Variants in HS3ST2 observed in about 807,000 individuals in gnomAD.
The protein encoded by HS3ST2 is heparan sulfate glucosamine 3-O-sulfotransferase 2.
In HS3ST2, 17 loss-of-function variants were observed where a neutral mutation model predicts 26.3. The observed-to-expected ratio is 0.65, with a 90% confidence interval of 0.44 to 0.97. The LOEUF is 0.97. Ranked by LOEUF, HS3ST2 falls within the 50% of genes least tolerant of loss-of-function variation. The pLI is 0.00. For synonymous variants in HS3ST2, 237 were observed against 219.2 expected (o/e 1.08, Z -0.72); for missense variants, 402 against 501.2 (o/e 0.80, Z 1.89).
In HS3ST2 at chr16:22,915,544, G is replaced by A; in HGVS notation, c.1086G>A (p.Gln362=). 2 of 1,613,188 alleles carry A rather than the reference G, an allele frequency of 1.2e-6. No individual in the cohort carries two copies. The highest frequency in any genetic ancestry group is 2.2e-5 in the East Asian group (1 of 44,872). ...YNIKFYETVG[Q]DFRWE The stretch of plus-strand genomic sequence containing the variant: ...TCAAATTTTATGAAACCGTTGGGCA[G>A]GACTTCAGGTGGGAATAAGCCCACG... The change falls in exon 2 of 2, where the codon CAG becomes CAA. Residue 362 remains glutamine (Q), a synonymous_variant. Transcript: ENST00000261374.
chr16:22,903,340 T>C (rs925389798), intron 1 of HS3ST2, among the ~76,000 whole-genome samples: 15 of 152,238 alleles, frequency 9.9e-5, no homozygotes, highest in African/African-American at 3.4e-4. Context: ...GAACAGCAAG[T>C]GGCCCACAGT....
chr16:22,833,834 A>C (rs959495304), intron 1 of HS3ST2, among the ~76,000 whole-genome samples: 1 of 152,206 alleles, frequency 6.6e-6, no homozygotes, highest in African/African-American at 2.4e-5. Flanking sequence ...AAGCAAACAA[A>C]AAATAAAGAG....
intron 1 of HS3ST2, among the ~76,000 whole-genome samples, chr16:22,903,826 G>A (rs1902313434): frequency 6.6e-6 from 1 of 152,154 alleles, no homozygotes; most frequent in Non-Finnish European, 1.5e-5. Context: ...CTTGCAAGCC[G>A]TGGGTCACAA....
At chr16:22,852,426 G>A (rs1901530679) in intron 1 of HS3ST2, among the ~76,000 whole-genome samples, 1 of 152,166 alleles carries the variant, frequency 6.6e-6, no homozygotes, top group African/African-American at 2.4e-5. Context: ...TCCTTCTGGT[G>A]AAACTTCGCA....
chr16:22,888,229 A>G (rs548105831), intron 1 of HS3ST2, among the ~76,000 whole-genome samples: 1 of 152,280 alleles, frequency 6.6e-6, no homozygotes, highest in East Asian at 1.9e-4. Flanking sequence ...GGACAGGAGA[A>G]CCAAATCTGA....
intron 1 of HS3ST2, among the ~76,000 whole-genome samples, chr16:22,871,826 C>T (rs1901843116): frequency 6.6e-6 from 1 of 152,172 alleles, no homozygotes; most frequent in Non-Finnish European, 1.5e-5. Context: ...GCAGTAACAC[C>T]TTTTGGGTTA....
chr16:22,834,505 T>TA (rs1211872860), intron 1 of HS3ST2, among the ~76,000 whole-genome samples: 3 of 152,118 alleles, frequency 2.0e-5, no homozygotes, highest in Non-Finnish European at 4.4e-5. Flanking sequence ...GTTGGATAGA[T>TA]ATACTATTAT....
intron 1 of HS3ST2, among the ~76,000 whole-genome samples, chr16:22,826,188 T>C (rs1901083354): frequency 6.6e-6 from 1 of 152,136 alleles, no homozygotes; most frequent in African/African-American, 2.4e-5. Context: ...CGGTCAGACT[T>C]ACTGAGAGAG....
rs1902491214 is a variant in HS3ST2 at position 22,915,974 on chromosome 16, T to C, written c.*412T>C. 1 of 179,354 alleles carries C rather than the reference T, an allele frequency of 5.6e-6. No individual in the cohort carries two copies. The highest frequency in any genetic ancestry group is 1.2e-5 in the Non-Finnish European group (1 of 84,914). The allele number at this position is 179,354 out of a possible 1,614,324, so 11.1% of individuals were successfully genotyped here. A position where few individuals can be genotyped will look rare whatever the true frequency, so the allele number is the denominator to read the frequency against. ...GTGGCCTTGTTAATTCCAAGTGGCATGTATCTTCCCTCTGAGCTTCATTTC... is the reference window on the plus strand; with the variant it reads ...GTGGCCTTGTTAATTCCAAGTGGCACGTATCTTCCCTCTGAGCTTCATTTC... On this transcript the variant is annotated 3_prime_UTR_variant, in exon 2 of 2. Transcript: ENST00000261374.
chr16:22,847,225 A>G (rs1432853894), intron 1 of HS3ST2, among the ~76,000 whole-genome samples: 1 of 152,132 alleles, frequency 6.6e-6, no homozygotes, highest in Non-Finnish European at 1.5e-5. Context: ...ATAAGTGAGA[A>G]CATATGGTAT....
chr16:22,895,231 A>G (rs1186106670), intron 1 of HS3ST2, among the ~76,000 whole-genome samples: 7 of 152,098 alleles, frequency 4.6e-5, no homozygotes, highest in African/African-American at 1.7e-4. Context: ...CTGGGATTAC[A>G]GGCACCTGCC....
intron 1 of HS3ST2, among the ~76,000 whole-genome samples, chr16:22,828,092 C>T (rs140843882): frequency 6.6e-6 from 1 of 152,290 alleles, no homozygotes; most frequent in East Asian, 1.9e-4. Flanking sequence ...CTTCCCAATA[C>T]TTGCCCCTGG....
At chr16:22,895,946 G>T (rs1442056206) in intron 1 of HS3ST2, among the ~76,000 whole-genome samples, 1 of 151,240 alleles carries the variant, frequency 6.6e-6, no homozygotes, top group Non-Finnish European at 1.5e-5. Flanking sequence ...CTTTGTTAAT[G>T]TGGATTTGAT....
At chr16:22,821,610 C>T (rs1900993840) in intron 1 of HS3ST2, among the ~76,000 whole-genome samples, 1 of 152,068 alleles carries the variant, frequency 6.6e-6, no homozygotes, top group African/African-American at 2.4e-5. Context: ...CTGTGGGACT[C>T]ACTGTCTCTG....
intron 1 of HS3ST2, among the ~76,000 whole-genome samples, chr16:22,840,894 A>T (rs1181430678): frequency 6.6e-6 from 1 of 152,030 alleles, no homozygotes; most frequent in Non-Finnish European, 1.5e-5. Context: ...TACATGTGCC[A>T]TGTTGGTGTG....
chr16:22,857,655 C>G lies in HS3ST2; in HGVS notation c.485+42560C>G, dbSNP rs74318763. ...ACTGACCCGTTTGCTAATGATAGCC[C>G]GGACATCAATAATGGAATGTGAAAG... On this transcript the variant is annotated intron_variant, in intron 1 of 1. Transcript: ENST00000261374. 2.6e-3 allele frequency among the ~76,000 whole-genome samples: 402 copies of G among 152,214 alleles called. 7 individuals carry two copies. The East Asian group carries it at 0.036, about 14-fold the overall frequency.
intron 1 of HS3ST2, among the ~76,000 whole-genome samples, chr16:22,822,790 G>A (rs1901016849): frequency 6.6e-6 from 1 of 151,850 alleles, no homozygotes; most frequent in African/African-American, 2.4e-5. Context: ...GGGAGGCAGG[G>A]GTTGCAGTGA....
chr16:22,842,816 C>T (rs1243338652), intron 1 of HS3ST2, among the ~76,000 whole-genome samples: 4 of 152,254 alleles, frequency 2.6e-5, no homozygotes, highest in East Asian at 1.9e-4. Context: ...ACTTCCTCTA[C>T]GATTTTTCAT....
At chr16:22,869,978 T>A (rs1421852771) in intron 1 of HS3ST2, among the ~76,000 whole-genome samples, 1 of 152,128 alleles carries the variant, frequency 6.6e-6, no homozygotes, top group Non-Finnish European at 1.5e-5. Flanking sequence ...GAACACTTAC[T>A]ATGAAGTGTT....
Sources: gnomAD v4.1 joint callset for allele counts (sites outside exome capture counted in the v4.1 genomes callset) on GRCh38, gnomAD v4.1.1 for gene constraint, MANE v1.5 for transcripts, NCBI Gene and HGNC (gene_info 2026-07-23, HGNC 2026-07-21) for gene names.